Variants in NF2 observed in about 807,000 individuals in gnomAD.
The protein encoded by NF2 is merlin.
In NF2, 8 loss-of-function variants were observed where a neutral mutation model predicts 83.7. The observed-to-expected ratio is 0.10, with a 90% confidence interval of 0.06 to 0.17. The LOEUF (loss-of-function observed/expected upper bound fraction) is 0.17. Ranked by LOEUF, NF2 falls within the 10% of genes least tolerant of loss-of-function variation. The pLI, the probability that NF2 is intolerant of heterozygous loss-of-function variation, is 1.00. For missense variants in NF2, 533 were observed against 744.4 expected (o/e 0.72, Z 3.31); for synonymous variants, 266 against 269.6 (o/e 0.99, Z 0.13).
intron 12 of NF2, among the ~76,000 whole-genome samples, chr22:29,674,424 A>G (rs1412492512): frequency 6.6e-6 from 1 of 152,226 alleles, no homozygotes; most frequent in Non-Finnish European, 1.5e-5. Flanking sequence ...GGGGCTGTGA[A>G]GACGCAGTTC....
chr22:29,665,461 C>T lies in NF2; in HGVS notation c.885+397C>T, dbSNP rs1414934062. Among the ~76,000 whole-genome samples the T allele has an allele frequency of 3.3e-5, 5 of 152,096 alleles. No homozygotes were observed. The East Asian group carries it at 9.6e-4, about 29-fold the overall frequency. Reference sequence around the variant, plus strand: ...GTTTCACCATATTGGTAAGGCTGGTCTCGAACTCCTGACCTCAGGTGACCC... The same window carrying T: ...GTTTCACCATATTGGTAAGGCTGGTTTCGAACTCCTGACCTCAGGTGACCC... On this transcript the variant is annotated intron_variant, in intron 9 of 15. Transcript: ENST00000338641.
intron 1 of NF2, among the ~76,000 whole-genome samples, chr22:29,635,982 A>T (rs569577867): frequency 2.6e-5 from 4 of 152,340 alleles, no homozygotes; most frequent in East Asian, 3.9e-4. Context: ...TCTTCCCTTA[A>T]GACATTGAAC....
chr22:29,612,131 C>T (rs779368721), intron 1 of NF2, among the ~76,000 whole-genome samples: 11 of 152,104 alleles, frequency 7.2e-5, no homozygotes, highest in Non-Finnish European at 1.6e-4. Context: ...CCTCAGCCTC[C>T]GGAGTAGCTG....
chr22:29,688,742 C>T (rs998772580), intron 15 of NF2, among the ~76,000 whole-genome samples: 2 of 152,212 alleles, frequency 1.3e-5, no homozygotes, highest in African/African-American at 4.8e-5. Context: ...CAGATAAAGT[C>T]GCTAATAACA....
At chr22:29,651,287 G>T (rs1338691370) in intron 4 of NF2, among the ~76,000 whole-genome samples, 2 of 152,030 alleles carry the variant, frequency 1.3e-5, no homozygotes, top group African/African-American at 4.8e-5. Flanking sequence ...CTAAGTATTG[G>T]CTCCACAAGT....
chr22:29,658,054 C>A, intron 6 of NF2, 135 bp from the exon 7 acceptor site: 1 of 754,040 alleles, frequency 1.3e-6, no homozygotes. Context: ...TTGCTGGTGT[C>A]TGCTGTGGCT....
intron 1 of NF2, among the ~76,000 whole-genome samples, chr22:29,605,528 TTGAACTCC>T (rs2064768653): frequency 1.3e-5 from 2 of 152,136 alleles, no homozygotes; most frequent in African/African-American, 4.8e-5. Context: ...CAGGCTGATC[TTGAACTCC>T]TGAGCTCAAG....
At position 29,683,045 on chromosome 22, in the gene NF2, T is replaced by C. The variant is rs1334043376; in HGVS notation, c.1737+1444T>C. The C allele has an allele frequency of 6.2e-7, 1 of 1,614,234 alleles. No individual in the cohort carries two copies. The highest frequency in any genetic ancestry group is 8.5e-7 in the Non-Finnish European group (1 of 1,180,046). ...CCTCAAGCCCAAGGCAGAAGACCTATCTGCATTTGAGCCCTCAAAGTAGGT... is the reference window on the plus strand; with the variant it reads ...CCTCAAGCCCAAGGCAGAAGACCTACCTGCATTTGAGCCCTCAAAGTAGGT... On this transcript the variant is annotated intron_variant, in intron 15 of 15. Coordinates refer to ENST00000338641, the MANE Select transcript of NF2 (RefSeq NM_000268.4).
In NF2 at chr22:29,636,931, C is replaced by T. The variant is rs2146856037; in HGVS notation, c.240+55C>T. On this transcript the variant is annotated intron_variant, in intron 2 of 15. Coordinates refer to ENST00000338641, the MANE Select transcript of NF2 (RefSeq NM_000268.4). The surrounding 1 kb of genome is among the most constrained non-coding windows in gnomAD (Gnocchi z 4.4). Reference sequence around the variant, plus strand: ...GGCTGACGTGAGCTTTCCAGTTTTTCCCTGAGCAGGCGCCTAGCTCATCAC... The same window carrying T: ...GGCTGACGTGAGCTTTCCAGTTTTTTCCTGAGCAGGCGCCTAGCTCATCAC... 9 of 1,612,630 alleles carry T rather than the reference C, an allele frequency of 5.6e-6. No homozygotes were observed. Among genetic ancestry groups the T allele is most frequent in the Non-Finnish European group, 7.6e-6 (9 of 1,179,868 alleles).
At chr22:29,692,579 C>T (rs1475395709) in intron 15 of NF2, among the ~76,000 whole-genome samples, 1 of 152,196 alleles carries the variant, frequency 6.6e-6, no homozygotes, top group Non-Finnish European at 1.5e-5. Context: ...CCTCTCAAGG[C>T]CCCCACAGCC....
Position 29,661,475 on chromosome 22 carries a change from T to C in NF2, c.810+136T>C, listed in dbSNP as rs1340174994. On this transcript the variant is annotated intron_variant, in intron 8 of 15. Transcript: ENST00000338641. ...TTCCCAGGCTTTGAGGGTGTGGTTG[T>C]TGATTTTCGAAGTCTTTACAGAACA... 4 of 1,336,210 alleles carry C rather than the reference T, an allele frequency of 3.0e-6. No individual in the cohort carries two copies. In the Admixed American group the frequency reaches 5.3e-5, roughly 18 times the overall value. The allele number at this position is 1,336,210 out of a possible 1,614,324, so 82.8% of individuals were successfully genotyped here.
chr22:29,615,339 A>G (rs2065055872), intron 1 of NF2, among the ~76,000 whole-genome samples: 1 of 152,094 alleles, frequency 6.6e-6, no homozygotes, highest in Non-Finnish European at 1.5e-5. Flanking sequence ...TTGGGAGACC[A>G]AGGTGGGAGG....
chr22:29,683,715 G>A, intron 15 of NF2: 1 of 1,071,620 alleles, frequency 9.3e-7, no homozygotes, highest in East Asian at 4.9e-5. Context: ...CTCTCCATAG[G>A]CTGAGCAGAG....
intron 15 of NF2, chr22:29,684,308 C>T (rs1368262679): frequency 6.6e-6 from 1 of 152,200 alleles, no homozygotes; most frequent in Non-Finnish European, 1.5e-5. Flanking sequence ...CAGTTATGGC[C>T]AGCATTGTCA....
At chr22:29,621,713 A>G (rs1185396627) in intron 1 of NF2, among the ~76,000 whole-genome samples, 1 of 151,968 alleles carries the variant, frequency 6.6e-6, no homozygotes, top group Non-Finnish European at 1.5e-5. Flanking sequence ...AAAAGGAAAT[A>G]AGTTCAGTGC....
rs953989779 is a variant in NF2 at position 29,694,294 on chromosome 22, C to T, written c.1738-458C>T. ...CACAGGCCTGCCTTGCCTCAGGCCA[C>T]GTCACCTTACCCCAGCCATGTTGCC... is the stretch of plus-strand genomic sequence containing the variant. On this transcript the variant is annotated intron_variant, in intron 15 of 15. Transcript: ENST00000338641. This position sits in a 1 kb window ranked among gnomAD's most constrained non-coding sequence, Gnocchi z 4.1. Among the ~76,000 whole-genome samples the T allele has an allele frequency of 3.9e-5, 6 of 152,232 alleles. No homozygotes were observed. Among genetic ancestry groups the T allele is most frequent in the Non-Finnish European group, 7.3e-5 (5 of 68,030 alleles).
Position 29,694,852 on chromosome 22 carries a change from C to T in NF2, c.*50C>T, listed in dbSNP as rs765024618. On this transcript the variant is annotated 3_prime_UTR_variant, in exon 16 of 16. Transcript: ENST00000338641. The surrounding 1 kb of genome is among the most constrained non-coding windows in gnomAD (Gnocchi z 4.1). ...CTGCCACTTCTCCTGCTACCGGGAC[C>T]GCGGGATGGACCAGATATCAAGAGA... is the stretch of plus-strand genomic sequence containing the variant. 2.7e-5 allele frequency: 43 copies of T among 1,578,886 alleles called. No individual in the cohort carries two copies. In the Admixed American group the frequency reaches 3.8e-4, roughly 14 times the overall value.
intron 15 of NF2, among the ~76,000 whole-genome samples, chr22:29,692,184 G>C (rs1209580796): frequency 1.3e-5 from 2 of 152,156 alleles, no homozygotes; most frequent in African/African-American, 4.8e-5. Context: ...CCAGCTGGTG[G>C]GTCTGCCTTC....
rs1205810914 is a variant in NF2 at position 29,694,456 on chromosome 22, A to T, written c.1738-296A>T. Among the ~76,000 whole-genome samples the T allele has an allele frequency of 6.6e-6, 1 of 152,240 alleles. No individual in the cohort carries two copies. The highest frequency in any genetic ancestry group is 1.5e-5 in the Non-Finnish European group (1 of 68,040). On this transcript the variant is annotated intron_variant, in intron 15 of 15. Coordinates refer to ENST00000338641, the MANE Select transcript of NF2 (RefSeq NM_000268.4). This position sits in a 1 kb window ranked among gnomAD's most constrained non-coding sequence, Gnocchi z 4.1. Reference sequence around the variant, plus strand: ...TGGGAATGTGAGAATCTATTAAAATAGGCAGGGATCTCCGGTCCTCTGTCA... The same window carrying T: ...TGGGAATGTGAGAATCTATTAAAATTGGCAGGGATCTCCGGTCCTCTGTCA...
Sources: allele counts gnomAD v4.1 joint callset (sites outside exome capture counted in the v4.1 genomes callset), GRCh38; gene constraint gnomAD v4.1.1; non-coding constraint Gnocchi (gnomAD v3.1); transcripts MANE v1.5; gene names NCBI Gene and HGNC (gene_info 2026-07-23, HGNC 2026-07-21).